The following IGFBP4 variants were observed in gnomAD, a reference collection of about 807,000 sequenced individuals.
The protein encoded by IGFBP4 is insulin like growth factor binding protein 4, also known as insulin-like growth factor-binding protein 4.
IGFBP4 carries 9 observed loss-of-function variants against 25.8 expected under a neutral mutation model. The ratio of observed to expected loss-of-function variants is 0.35; its 90% CI spans 0.21 to 0.61. IGFBP4 has a LOEUF of 0.61. IGFBP4 is among the 20% of genes least tolerant of loss of function. The pLI is 0.77. For synonymous variants in IGFBP4, 153 were observed against 153.9 expected (o/e 0.99, Z 0.05); for missense variants, 315 against 365.3 (o/e 0.86, Z 1.12).
rs147241046 is a variant in IGFBP4, at chr17:40,448,380, G to A, written c.349+4296G>A. On this transcript the variant is annotated intron_variant, in intron 1 of 3. Transcript: ENST00000269593. ...TTCCTCTGCTGCTGGAGCAAAGACCGAGGTTTCCCCTATAGTCAGATGTCA... is the reference window on the plus strand; with the variant it reads ...TTCCTCTGCTGCTGGAGCAAAGACCAAGGTTTCCCCTATAGTCAGATGTCA... 5.9e-3 allele frequency among the ~76,000 whole-genome samples: 905 copies of A among 152,360 alleles called. 4 individuals are homozygous for A. Among genetic ancestry groups the A allele is most frequent in the Non-Finnish European group, 9.5e-3 (644 of 68,040 alleles).
chr17:40,444,914 CACACACACACACAGAGACAGAGAG>C (rs1160205642), intron 1 of IGFBP4, among the ~76,000 whole-genome samples: 1,876 of 87,876 alleles, frequency 0.021, 62 homozygotes, highest in African/African-American at 0.073. Flanking sequence ...CACACACACA[CACACACACACACAGAGACAGAGAG>C]AGAGAGAGAG....
intron 1 of IGFBP4, among the ~76,000 whole-genome samples, chr17:40,444,444 G>A (rs902945436): frequency 1.3e-5 from 2 of 152,186 alleles, no homozygotes; most frequent in Admixed American, 6.5e-5. Context: ...TGGTGGTGGG[G>A]TGTGTGTTGG....
Position 40,443,776 on chromosome 17 carries a change from C to T in IGFBP4, c.41C>T (p.Ala14Val), listed in dbSNP as rs1230010745. Reference protein sequence around the residue: ...LCLVAALLLAAGPGPSLGDEA... With the variant: ...LCLVAALLLAVGPGPSLGDEA... ...CTCGTGGCCGCCCTGCTGCTGGCCG[C>T]CGGGCCCGGGCCGAGCCTGGGCGAC... Residue 14 changes from alanine to valine, a missense_variant, in exon 1 of 4, where the codon GCC becomes GTC. Coordinates refer to ENST00000269593, the MANE Select transcript of IGFBP4 (RefSeq NM_001552.3). 2 of 1,506,806 alleles carry T rather than the reference C, an allele frequency of 1.3e-6. No homozygotes were observed. The highest frequency in any genetic ancestry group is 1.8e-6 in the Non-Finnish European group (2 of 1,136,360). 93.3% of individuals were successfully genotyped at this position (1,506,806 alleles called of 1,614,324 possible). A position where few individuals can be genotyped will look rare whatever the true frequency, so the allele number is the denominator to read the frequency against.
In IGFBP4 at chr17:40,456,776, G is replaced by C. The variant is rs2035717629; in HGVS notation, c.*193G>C. Reference sequence around the variant, plus strand: ...GTTTGTGAGCATGGGTGTGCCCTTGGGGTAAGCCAGAGCCTGGGGTGTTCT... The same window carrying C: ...GTTTGTGAGCATGGGTGTGCCCTTGCGGTAAGCCAGAGCCTGGGGTGTTCT... On this transcript the variant is annotated 3_prime_UTR_variant, in exon 4 of 4. Transcript: ENST00000269593. 3.4e-6 allele frequency: 2 copies of C among 588,300 alleles called. No homozygotes were observed. The highest frequency in any genetic ancestry group is 4.2e-5 in the South Asian group (2 of 47,480). 36.4% of individuals were successfully genotyped at this position (588,300 alleles called of 1,614,324 possible).
rs1183030548 is a variant in IGFBP4 at position 40,443,642 on chromosome 17, C to A, written c.-94C>A. On this transcript the variant is annotated 5_prime_UTR_variant, in exon 1 of 4. Transcript: ENST00000269593. ...GGTCGGGTCCTCCAGGAGCGCCAGG[C>A]GCTGCCGCCGTGTGCCCTCCGCCGC... The A allele has an allele frequency of 2.0e-5, 11 of 554,064 alleles. No individual in the cohort carries two copies. The highest frequency in any genetic ancestry group is 2.6e-5 in the Non-Finnish European group (11 of 425,716). 34.3% of individuals were successfully genotyped at this position (554,064 alleles called of 1,614,324 possible). A position where few individuals can be genotyped will look rare whatever the true frequency, so the allele number is the denominator to read the frequency against.
In IGFBP4 at chr17:40,453,291, G is replaced by T; in HGVS notation, c.507+149G>T. 1 of 539,532 alleles carries T rather than the reference G, an allele frequency of 1.9e-6. No homozygotes were observed. The highest frequency in any genetic ancestry group is 3.0e-6 in the Non-Finnish European group (1 of 334,224). 33.4% of individuals were successfully genotyped at this position (539,532 alleles called of 1,614,324 possible). A position where few individuals can be genotyped will look rare whatever the true frequency, so the allele number is the denominator to read the frequency against. On this transcript the variant is annotated intron_variant, in intron 2 of 3. Transcript: ENST00000269593. This position sits in a 1 kb window ranked among gnomAD's most constrained non-coding sequence, Gnocchi z 4.0. The stretch of plus-strand genomic sequence containing the variant: ...ACACATTCTAGGGTGACTACTGTGT[G>T]CAAGGTGCAACTAGTGTGAGTCATC...
intron 1 of IGFBP4, 54 bp from the exon 2 acceptor site, chr17:40,452,931 T>C: frequency 1.5e-6 from 2 of 1,367,842 alleles, no homozygotes; most frequent in South Asian, 3.6e-5. Context: ...TGGGTTGGTG[T>C]GACGCTCTGA....
chr17:40,449,993 T>C (rs965884031), intron 1 of IGFBP4, among the ~76,000 whole-genome samples: 26 of 152,152 alleles, frequency 1.7e-4, no homozygotes, highest in African/African-American at 6.0e-4. Flanking sequence ...GAATGAATCA[T>C]TGTACAAAAT....
At chr17:40,444,122 C>G (rs1381711245) in intron 1 of IGFBP4, 38 bp downstream of exon 1, 1 of 1,447,888 alleles carries the variant, frequency 6.9e-7, no homozygotes, top group Non-Finnish European at 9.4e-7. Context: ...CTCCTGAGTG[C>G]GCTCCCTTCC....
At position 40,443,864 on chromosome 17, in the gene IGFBP4, C is replaced by A; in HGVS notation, c.129C>A (p.Gly43=). Residue 43 remains glycine (G), a synonymous_variant, in exon 1 of 4, where the codon GGC becomes GGA. Coordinates refer to ENST00000269593, the MANE Select transcript of IGFBP4 (RefSeq NM_001552.3). ...TGGCGCGCTGCCGCCCCCCCGTGGG[C>A]TGCGAGGAGCTGGTGCGAGAGCCGG... ...EKLARCRPPV[G]CEELVREPGC... The A allele has an allele frequency of 1.3e-6, 2 of 1,531,338 alleles. No homozygotes were observed. Among genetic ancestry groups the A allele is most frequent in the Non-Finnish European group, 1.7e-6 (2 of 1,145,028 alleles). The allele number at this position is 1,531,338 out of a possible 1,614,324, so 94.9% of individuals were successfully genotyped here. A position where few individuals can be genotyped will look rare whatever the true frequency, so the allele number is the denominator to read the frequency against.
At chr17:40,444,924 CACAGAGACAGAGAGAGAG>C (rs1173483764) in intron 1 of IGFBP4, among the ~76,000 whole-genome samples, 1,154 of 96,136 alleles carry the variant, frequency 0.012, 15 homozygotes, top group South Asian at 0.021. Flanking sequence ...CACACACACA[CACAGAGACAGAGAGAGAG>C]AGAGAGAGAG....
At position 40,444,928 on chromosome 17, in the gene IGFBP4, GAGAC is replaced by G. The variant is rs1178307364; in HGVS notation, c.349+848_349+851del. On this transcript the variant is annotated intron_variant, in intron 1 of 3. Coordinates refer to ENST00000269593, the MANE Select transcript of IGFBP4 (RefSeq NM_001552.3). ...ACACACACACACACACACACACACA[GAGAC>G]AGAGAGAGAGAGAGAGAGAGAGAGA... Among the ~76,000 whole-genome samples, 230 of 32,714 alleles carry G rather than the reference GAGAC, an allele frequency of 7.0e-3. 1 individual carries two copies. The highest frequency in any genetic ancestry group is 0.021 in the African/African-American group (210 of 10,054). 21.5% of individuals were successfully genotyped at this position (32,714 alleles called of 152,430 possible).
chr17:40,453,224 A>C lies in IGFBP4; in HGVS notation c.507+82A>C. 9.5e-7 allele frequency: 1 copy of C among 1,052,482 alleles called. No individual in the cohort carries two copies. Among genetic ancestry groups the C allele is most frequent in the South Asian group, 2.2e-5 (1 of 46,442 alleles). 65.2% of individuals were successfully genotyped at this position (1,052,482 alleles called of 1,614,324 possible). A position where few individuals can be genotyped will look rare whatever the true frequency, so the allele number is the denominator to read the frequency against. The stretch of plus-strand genomic sequence containing the variant: ...CCCTGCCCCCCACATGCACGCACCC[A>C]CACACACCATCACCACCAGATCTGG... On this transcript the variant is annotated intron_variant, in intron 2 of 3. Coordinates refer to ENST00000269593, the MANE Select transcript of IGFBP4 (RefSeq NM_001552.3). This position sits in a 1 kb window ranked among gnomAD's most constrained non-coding sequence, Gnocchi z 4.0.
chr17:40,444,137 G>A (rs1420192800), intron 1 of IGFBP4, 53 bp downstream of exon 1: 2 of 1,389,328 alleles, frequency 1.4e-6, no homozygotes, highest in Non-Finnish European at 9.8e-7. Context: ...CCTTCCCAGC[G>A]GCTTCTTCCC....
intron 1 of IGFBP4, among the ~76,000 whole-genome samples, chr17:40,444,932 C>CACAG (rs2035635260): frequency 5.3e-5 from 4 of 75,384 alleles, no homozygotes; most frequent in African/African-American, 1.9e-4. Context: ...CACACAGAGA[C>CACAG]AGAGAGAGAG....
At position 40,453,319 on chromosome 17, in the gene IGFBP4, G is replaced by A. The variant is rs955361880; in HGVS notation, c.507+177G>A. ...AGGTGCAACTAGTGTGAGTCATCAG[G>A]ACCCAGAGAAAGCACTCATTCCCTT... On this transcript the variant is annotated intron_variant, in intron 2 of 3. Coordinates refer to ENST00000269593, the MANE Select transcript of IGFBP4 (RefSeq NM_001552.3). The surrounding 1 kb of genome is among the most constrained non-coding windows in gnomAD (Gnocchi z 4.0). Among the ~76,000 whole-genome samples, 2 of 152,162 alleles carry A rather than the reference G, an allele frequency of 1.3e-5. No homozygotes were observed. Among genetic ancestry groups the A allele is most frequent in the African/African-American group, 4.8e-5 (2 of 41,426 alleles).
chr17:40,444,922 C>CAG (rs2035634221), intron 1 of IGFBP4, among the ~76,000 whole-genome samples: 10 of 84,184 alleles, frequency 1.2e-4, no homozygotes, highest in African/African-American at 3.8e-4. Context: ...CACACACACA[C>CAG]ACACAGAGAC....
chr17:40,456,399 G>T (rs562419914), intron 3 of IGFBP4, 50 bp from the exon 4 acceptor site: 2 of 1,608,576 alleles, frequency 1.2e-6, no homozygotes, highest in Admixed American at 3.4e-5. Flanking sequence ...GGTCACTTGG[G>T]GTCTCTTTTC....
At chr17:40,445,878 T>G (rs1292016159) in intron 1 of IGFBP4, among the ~76,000 whole-genome samples, 1 of 152,070 alleles carries the variant, frequency 6.6e-6, no homozygotes, top group African/African-American at 2.4e-5. Context: ...CTCAGCACTT[T>G]GAATGCAAGA....
Sources: allele counts gnomAD v4.1 joint callset (sites outside exome capture counted in the v4.1 genomes callset), GRCh38; gene constraint gnomAD v4.1.1; non-coding constraint Gnocchi (gnomAD v3.1); transcripts MANE v1.5; gene names NCBI Gene and HGNC (gene_info 2026-07-23, HGNC 2026-07-21).